Variants in PWWP2A observed in about 807,000 individuals in gnomAD.
The protein encoded by PWWP2A is PWWP domain-containing protein 2A.
PWWP2A carries 18 observed loss-of-function variants against 48.5 expected under a neutral mutation model. That is an observed-to-expected ratio of 0.37 (90% CI 0.26 to 0.55). The LOEUF (loss-of-function observed/expected upper bound fraction) is 0.55. Among genes scored for constraint, PWWP2A ranks in the 20% least tolerant of loss-of-function variants. The pLI is 0.81. For synonymous variants in PWWP2A, 396 were observed against 387.7 expected (o/e 1.02, Z -0.25); for missense variants, 867 against 976.4 (o/e 0.89, Z 1.49).
intron 3 of PWWP2A, among the ~76,000 whole-genome samples, chr5:160,080,278 CAAAA>C (rs1051784912): frequency 2.0e-4 from 31 of 151,862 alleles, no homozygotes; most frequent in African/African-American, 7.0e-4. Context: ...ATAAAAGTGA[CAAAA>C]AAAGACGGAG....
intron 1 of PWWP2A, among the ~76,000 whole-genome samples, chr5:160,097,801 C>T (rs113118574): frequency 0.013 from 1,921 of 151,008 alleles, 48 homozygotes; most frequent in African/African-American, 0.044. Flanking sequence ...CTGCAACCAC[C>T]GCCTCCTGGG....
chr5:160,046,732 G>A, the PWWP2A span, among the ~76,000 whole-genome samples: 2 of 152,106 alleles, frequency 1.3e-5, no homozygotes, highest in African/African-American at 4.8e-5. Flanking sequence ...TAGAGCAACA[G>A]GCCGGGCACA....
chr5:160,089,523 ATTGT>A (rs1312784730), downstream of PWWP2A: 1 of 1,281,976 alleles, frequency 7.8e-7, no homozygotes, highest in Non-Finnish European at 1.0e-6. Flanking sequence ...CTCACAGATA[ATTGT>A]TTGGTCTTTG....
chr5:160,106,308 A>T (rs1480948329), intron 1 of PWWP2A, among the ~76,000 whole-genome samples: 1 of 152,236 alleles, frequency 6.6e-6, no homozygotes, highest in Non-Finnish European at 1.5e-5. Flanking sequence ...TTGCTTAAGT[A>T]ACCTCTGAGC....
chr5:160,045,327 T>C, the PWWP2A span, among the ~76,000 whole-genome samples: 1 of 152,094 alleles, frequency 6.6e-6, no homozygotes, highest in African/African-American at 2.4e-5. Flanking sequence ...TGTTTTTGGA[T>C]TTGCTTAAAC....
chr5:160,110,135 C>T (rs1757409536), intron 1 of PWWP2A, among the ~76,000 whole-genome samples: 1 of 151,420 alleles, frequency 6.6e-6, no homozygotes, highest in Non-Finnish European at 1.5e-5. Flanking sequence ...ATTTTCTTGC[C>T]TCAGCCTCCC....
intron 4 of PWWP2A, among the ~76,000 whole-genome samples, chr5:160,066,116 T>G (rs1753599395): frequency 1.3e-5 from 2 of 152,126 alleles, no homozygotes; most frequent in Non-Finnish European, 2.9e-5. Context: ...TTATCTTTTT[T>G]CTTCTTTTGG....
chr5:160,051,078 T>G, the PWWP2A span: 2 of 1,383,274 alleles, frequency 1.4e-6, no homozygotes, highest in Non-Finnish European at 1.9e-6. Context: ...AGGGAAAGGT[T>G]TTGGTTTTTT....
At chr5:160,112,038 G>C (rs919649791) in intron 1 of PWWP2A, among the ~76,000 whole-genome samples, 2 of 143,142 alleles carry the variant, frequency 1.4e-5, no homozygotes. Context: ...GATGTGGGAG[G>C]ATTGCTTGAG....
At chr5:160,094,210 C>A in intron 1 of PWWP2A, 145 bp from the exon 2 acceptor site, 2 of 1,075,220 alleles carry the variant, frequency 1.9e-6, no homozygotes, top group Non-Finnish European at 1.3e-6. Flanking sequence ...CAAAAATCTA[C>A]TATCTCTTCC....
chr5:160,077,986 C>T lies in PWWP2A; in HGVS notation c.*169G>A, dbSNP rs1753971531. ...AAAATATTCCCTAATACCTTTTCTT[C>T]GGTTTAAGACAGCACAATTTGCAAG... On this transcript the variant is annotated 3_prime_UTR_variant, in exon 4 of 4. Transcript: ENST00000456329. This position sits in a 1 kb window ranked among gnomAD's most constrained non-coding sequence, Gnocchi z 4.2. The T allele has an allele frequency of 1.1e-5, 6 of 522,652 alleles. No individual in the cohort carries two copies. Among genetic ancestry groups the T allele is most frequent in the Admixed American group, 3.3e-5 (1 of 29,856 alleles). The allele number at this position is 522,652 out of a possible 1,614,324, so 32.4% of individuals were successfully genotyped here.
chr5:160,118,760 C>G, intron 1 of PWWP2A, 45 bp downstream of exon 1: 1 of 1,379,784 alleles, frequency 7.2e-7, no homozygotes, highest in Non-Finnish European at 9.4e-7. Flanking sequence ...CACTCCCTCC[C>G]TGGGGACCCA....
At chr5:160,084,236 TC>T (rs1227194203) in intron 2 of PWWP2A, among the ~76,000 whole-genome samples, 1 of 152,186 alleles carries the variant, frequency 6.6e-6, no homozygotes, top group Non-Finnish European at 1.5e-5. Context: ...ACTATTATTC[TC>T]CTTATTTCAC....
rs1321667793 is a variant in PWWP2A at position 160,092,303 on chromosome 5, A to G, written c.*79T>C. The stretch of plus-strand genomic sequence containing the variant: ...CTTCTCTCTCCAATCTGGCCACGCT[A>G]TTTTGTAGAAATTATTCCTAACTAG... On this transcript the variant is annotated 3_prime_UTR_variant, in exon 2 of 2. Coordinates refer to ENST00000307063, the MANE Select transcript of PWWP2A (RefSeq NM_001130864.2). The G allele has an allele frequency of 2.8e-6, 4 of 1,454,014 alleles. No homozygotes were observed. Among genetic ancestry groups the G allele is most frequent in the East Asian group, 2.5e-5 (1 of 40,166 alleles). 90.1% of individuals were successfully genotyped at this position (1,454,014 alleles called of 1,614,324 possible). A position where few individuals can be genotyped will look rare whatever the true frequency, so the allele number is the denominator to read the frequency against.
chr5:160,047,545 C>G, the PWWP2A span, among the ~76,000 whole-genome samples: 2 of 152,196 alleles, frequency 1.3e-5, no homozygotes, highest in Non-Finnish European at 2.9e-5. Flanking sequence ...AGTCTTGCCC[C>G]ACCCGCCAAC....
intron 1 of PWWP2A, among the ~76,000 whole-genome samples, chr5:160,096,785 A>G (rs1254460412): frequency 6.6e-6 from 1 of 152,150 alleles, no homozygotes; most frequent in African/African-American, 2.4e-5. Context: ...ACCTGCCACC[A>G]TGCCTGGCTC....
rs574863581 is a variant in PWWP2A, at chr5:160,082,975, T to TA, written c.1550-2206dup. On this transcript the variant is annotated intron_variant, in intron 2 of 3. Coordinates refer to the PWWP2A transcript ENST00000456329. ...TCCCTCTTAGCGTGCACGAAAGAAG[T>TA]AGAGTTTATGCTCTTAAAGAAAGCC... is the stretch of plus-strand genomic sequence containing the variant. 2.6e-4 allele frequency among the ~76,000 whole-genome samples: 40 copies of TA among 152,242 alleles called. No individual in the cohort carries two copies. In the South Asian group the frequency reaches 8.1e-3, roughly 31 times the overall value.
intron 1 of PWWP2A, among the ~76,000 whole-genome samples, chr5:160,099,736 G>A (rs1347431986): frequency 2.0e-5 from 3 of 150,496 alleles, no homozygotes; most frequent in African/African-American, 7.4e-5. Context: ...AGAGCGCAGT[G>A]GCCTGATTTC....
chr5:160,108,606 T>G (rs181566454), intron 1 of PWWP2A: 3 of 1,284,528 alleles, frequency 2.3e-6, no homozygotes, highest in East Asian at 1.1e-4. Flanking sequence ...ACCATACGTT[T>G]CATGGTCTCT....
Sources: gnomAD v4.1 joint callset for allele counts (sites outside exome capture counted in the v4.1 genomes callset) on GRCh38, gnomAD v4.1.1 for gene constraint, Gnocchi (gnomAD v3.1) non-coding constraint, MANE v1.5 for transcripts, NCBI Gene and HGNC (gene_info 2026-07-23, HGNC 2026-07-21) for gene names.